NDUFA6: variants seen among roughly 807,000 people sequenced by gnomAD.
NDUFA6 encodes NADH:ubiquinone oxidoreductase subunit A6.
In NDUFA6, 10 loss-of-function variants were observed where a neutral mutation model predicts 12.5. The observed-to-expected ratio is 0.80, with a 90% confidence interval of 0.49 to 1.35. NDUFA6 has a LOEUF of 1.35. Among genes scored for constraint, NDUFA6 ranks in the 40% most tolerant of loss-of-function variants. NDUFA6 has a pLI of 0.00. For missense variants in NDUFA6, 177 were observed against 173.5 expected (o/e 1.02, Z -0.11); for synonymous variants, 66 against 63.0 (o/e 1.05, Z -0.23).
chr22:42,088,083 GGTGA>G (rs1238752030), intron 1 of NDUFA6, among the ~76,000 whole-genome samples: 3 of 143,390 alleles, frequency 2.1e-5, no homozygotes, highest in Admixed American at 7.1e-5. Flanking sequence ...TTCCAGCCTG[GGTGA>G]CAGAGTGAGA....
intron 1 of NDUFA6, 75 bp downstream of exon 1, chr22:42,090,529 CAT>C: frequency 1.9e-6 from 3 of 1,555,444 alleles, no homozygotes; most frequent in Admixed American, 3.3e-5. Context: ...CAGCTGGGCC[CAT>C]GAGAAACCCC....
rs760131992 is a variant in NDUFA6, at chr22:42,087,196, CAG to C, written c.140-23_140-22del. The C allele has an allele frequency of 5.9e-6, 9 of 1,536,180 alleles. No homozygotes were observed. The African/African-American group carries it at 6.8e-5, about 12-fold the overall frequency. On this transcript the variant is annotated intron_variant, in intron 1 of 2. Transcript: ENST00000498737. The stretch of plus-strand genomic sequence containing the variant: ...GTGCACTAGAGAGAAAAACATGACT[CAG>C]GGTAGAAATTGTATGGTTAAATAAA...
At position 42,086,331 on chromosome 22, in the gene NDUFA6, G is replaced by A. The variant is rs1213190820; in HGVS notation, c.256-17C>T. 1.9e-6 allele frequency: 3 copies of A among 1,614,066 alleles called. No individual in the cohort carries two copies. Among genetic ancestry groups the A allele is most frequent in the African/African-American group, 1.3e-5 (1 of 74,946 alleles). ...GATCTTTCCCTGAACAGTGAGGAGA[G>A]AGGTCATCAGTCAAAGTTGTCAAGT... On this transcript the variant is annotated splice_polypyrimidine_tract_variant and intron_variant, in intron 2 of 2. Transcript: ENST00000498737.
intron 1 of NDUFA6, among the ~76,000 whole-genome samples, chr22:42,090,272 C>G (rs1445914827): frequency 1.3e-5 from 2 of 152,204 alleles, no homozygotes; most frequent in Non-Finnish European, 2.9e-5. Context: ...TCGGCCTGGG[C>G]CCTGGGCACA....
rs185587310 is a variant in NDUFA6 at position 42,086,431 on chromosome 22, T to G, written c.256-117A>C. ...GACTTGTTGAATGACCTTGGGCAAG[T>G]AACTACTCTGTCTGGGCAAAGTTTC... On this transcript the variant is annotated intron_variant, in intron 2 of 2. Coordinates refer to ENST00000498737, the MANE Select transcript of NDUFA6 (RefSeq NM_002490.6). 2.2e-6 allele frequency: 3 copies of G among 1,367,102 alleles called. No homozygotes were observed. The African/African-American group carries it at 4.3e-5, about 20-fold the overall frequency. 84.7% of individuals were successfully genotyped at this position (1,367,102 alleles called of 1,614,324 possible). A position where few individuals can be genotyped will look rare whatever the true frequency, so the allele number is the denominator to read the frequency against.
chr22:42,090,297 G>GAGAT (rs1258677448), intron 1 of NDUFA6, among the ~76,000 whole-genome samples: 25 of 152,296 alleles, frequency 1.6e-4, no homozygotes, highest in African/African-American at 5.8e-4. Flanking sequence ...TTCACCTCTC[G>GAGAT]GTGCCTCCGC....
In NDUFA6 at chr22:42,087,066, GA is replaced by G. The variant is rs771722797; in HGVS notation, c.248del (p.Val83AlafsTer56). 6 of 1,609,898 alleles carry G rather than the reference GA, an allele frequency of 3.7e-6. No homozygotes were observed. The South Asian group carries it at 6.6e-5, about 18-fold the overall frequency. On this transcript the variant is annotated frameshift_variant, in exon 2 of 3. Coordinates refer to ENST00000498737, the MANE Select transcript of NDUFA6 (RefSeq NM_002490.6). LOFTEE classifies it high-confidence loss of function. ...VTDPRVVDLLVIKGKIELEET... is the reference protein window; with the variant it reads ...VTDPRVVDLLXIKGKIELEET... ...GTCAGGGAGGGTCAGTTACCTTAAT[GA>G]CCAGAAGATCAACCACCCTGGGGTC... is the stretch of plus-strand genomic sequence containing the variant.
chr22:42,089,035 CCTCCT>C (rs1928454473), intron 1 of NDUFA6, among the ~76,000 whole-genome samples: 1 of 152,106 alleles, frequency 6.6e-6, no homozygotes, highest in East Asian at 1.9e-4. Flanking sequence ...GCCTTCTTTT[CCTCCT>C]CTCAAGACCC....
chr22:42,089,553 C>G (rs1358957007), intron 1 of NDUFA6: 1 of 151,878 alleles, frequency 6.6e-6, no homozygotes, highest in Non-Finnish European at 1.5e-5. Context: ...TCTCATATGT[C>G]AAAGAACCGG....
chr22:42,088,423 AATT>A (rs1488280189), intron 1 of NDUFA6, among the ~76,000 whole-genome samples: 1 of 150,308 alleles, frequency 6.7e-6, no homozygotes, highest in East Asian at 2.0e-4. Context: ...CAAAAAAAAT[AATT>A]ATTATTTTAT....
chr22:42,090,166 G>A (rs772053715), intron 1 of NDUFA6: 2 of 281,338 alleles, frequency 7.1e-6, no homozygotes, highest in Non-Finnish European at 1.4e-5. Context: ...CAGCCTGAGC[G>A]ACACAGCGAG....
At chr22:42,088,530 C>T (rs1349972604) in intron 1 of NDUFA6, among the ~76,000 whole-genome samples, 1 of 152,068 alleles carries the variant, frequency 6.6e-6, no homozygotes, top group Non-Finnish European at 1.5e-5. Context: ...GACAGCCTGG[C>T]CAACATGGTG....
In NDUFA6 at chr22:42,085,962, AG is replaced by A. The variant is rs1928210731; in HGVS notation, c.*220del. ...CTTCCTTCCTGTTTACTGACATGCA[AG>A]GCTCTGAGAAAAATAATTCAATCCA... On this transcript the variant is annotated 3_prime_UTR_variant, in exon 3 of 3. Transcript: ENST00000498737. 1.6e-6 allele frequency: 1 copy of A among 633,408 alleles called. No homozygotes were observed. Among genetic ancestry groups the A allele is most frequent in the Non-Finnish European group, 2.8e-6 (1 of 362,454 alleles). The allele number at this position is 633,408 out of a possible 1,614,324, so 39.2% of individuals were successfully genotyped here.
At chr22:42,088,213 C>T (rs943812142) in intron 1 of NDUFA6, among the ~76,000 whole-genome samples, 2 of 148,722 alleles carry the variant, frequency 1.3e-5, no homozygotes, top group African/African-American at 5.0e-5. Flanking sequence ...CGAGACCATC[C>T]TGGCTAACAA....
At chr22:42,090,087 T>C (rs1568992390) in intron 1 of NDUFA6, 1 of 181,566 alleles carries the variant, frequency 5.5e-6, no homozygotes, top group African/African-American at 2.4e-5. Context: ...AGGCTGAGGC[T>C]GAGGCAGGAG....
intron 1 of NDUFA6, chr22:42,087,458 A>G (rs1928327420): frequency 2.2e-6 from 1 of 451,714 alleles, no homozygotes; most frequent in South Asian, 2.2e-5. Context: ...TTTGTTAGCT[A>G]TATGATCCCG....
chr22:42,090,424 AC>A (rs1198348501), intron 1 of NDUFA6, among the ~76,000 whole-genome samples, 181 bp downstream of exon 1: 1 of 152,202 alleles, frequency 6.6e-6, no homozygotes, highest in Admixed American at 6.5e-5. Flanking sequence ...GGCCGGTCTG[AC>A]CACCGCGCCG....
At chr22:42,090,357 C>T (rs770156538) in intron 1 of NDUFA6, among the ~76,000 whole-genome samples, 1 of 152,262 alleles carries the variant, frequency 6.6e-6, no homozygotes, top group Non-Finnish European at 1.5e-5. Context: ...GTCCTCCCGC[C>T]AATTGCGAAG....
At chr22:42,089,100 G>C (rs925771807) in intron 1 of NDUFA6, among the ~76,000 whole-genome samples, 14 of 152,014 alleles carry the variant, frequency 9.2e-5, no homozygotes, top group African/African-American at 3.1e-4. Flanking sequence ...GGAAGGTCTT[G>C]GGAGGGGTCG....
Sources: allele counts gnomAD v4.1 joint callset (sites outside exome capture counted in the v4.1 genomes callset), GRCh38; gene constraint gnomAD v4.1.1; transcripts MANE v1.5; gene names NCBI Gene and HGNC (gene_info 2026-07-23, HGNC 2026-07-21).